The following GRM5 variants were observed in gnomAD, a reference collection of about 807,000 sequenced individuals.
The protein encoded by GRM5 is metabotropic glutamate receptor 5.
Under a neutral mutation model 83.1 loss-of-function variants are expected in GRM5, and 19 were observed. That is an observed-to-expected ratio of 0.23 (90% CI 0.16 to 0.34). The LOEUF is 0.34. Among genes scored for constraint, GRM5 ranks in the 10% least tolerant of loss-of-function variants. The probability of loss-of-function intolerance (pLI) is 1.00; values close to 1 mark genes in which losing one functional copy is unlikely to be tolerated. For missense variants in GRM5, 1,160 were observed against 1,588.3 expected (o/e 0.73, Z 4.58); for synonymous variants, 675 against 633.6 (o/e 1.07, Z -0.98).
rs933741883 is a variant in GRM5, at chr11:88,751,027, G to A, written c.912-97624C>T. Among the ~76,000 whole-genome samples the A allele has an allele frequency of 2.9e-4, 19 of 65,428 alleles. No homozygotes were observed. In the South Asian group the frequency reaches 9.6e-3, roughly 33 times the overall value. 42.9% of individuals were successfully genotyped at this position (65,428 alleles called of 152,430 possible). A position where few individuals can be genotyped will look rare whatever the true frequency, so the allele number is the denominator to read the frequency against. On this transcript the variant is annotated intron_variant, in intron 3 of 9. Transcript: ENST00000305447. ...CTAGAGAAACAAGAGGAAAGAAACAGAACTAGAGAAACAAGAGGAAACAAA... is the reference window on the plus strand; with the variant it reads ...CTAGAGAAACAAGAGGAAAGAAACAAAACTAGAGAAACAAGAGGAAACAAA...
At chr11:88,912,329 T>C (rs1489665727) in intron 2 of GRM5, among the ~76,000 whole-genome samples, 1 of 151,798 alleles carries the variant, frequency 6.6e-6, no homozygotes, top group African/African-American at 2.4e-5. Flanking sequence ...GGCTGACTTA[T>C]CCTAAGGAAC....
intron 9 of GRM5, among the ~76,000 whole-genome samples, chr11:88,522,136 CAGAGT>C (rs1029320657): frequency 2.0e-5 from 3 of 152,090 alleles, no homozygotes; most frequent in African/African-American, 7.2e-5. Context: ...CAGATGTTTG[CAGAGT>C]AAATGTGATG....
chr11:88,567,432 TCAA>T lies in GRM5; in HGVS notation c.2248_2250del (p.Leu750del). 1 of 1,614,120 alleles carries T rather than the reference TCAA, an allele frequency of 6.2e-7. No individual in the cohort carries two copies. On this transcript the variant is annotated inframe_deletion, in exon 8 of 10. Coordinates refer to ENST00000305447, the MANE Select transcript of GRM5 (RefSeq NM_001143831.3). This position sits in a 1 kb window ranked among gnomAD's most constrained non-coding sequence, Gnocchi z 7.3. The stretch of plus-strand genomic sequence containing the variant: ...AACGCATAGAAGGTGCAGCTCAAAA[TCAA>T]CAATCCATTGTATCCAAGTGGAGTG...
intron 4 of GRM5, 139 bp from the exon 5 acceptor site, chr11:88,605,103 GA>G (rs1298547444): frequency 1.5e-6 from 1 of 664,546 alleles, no homozygotes; most frequent in African/African-American, 1.8e-5. Context: ...GGGTAACACT[GA>G]GAAACAGTAC....
At chr11:88,961,772 T>C (rs1429784736) in intron 2 of GRM5, among the ~76,000 whole-genome samples, 1 of 152,166 alleles carries the variant, frequency 6.6e-6, no homozygotes, top group Admixed American at 6.5e-5. Context: ...TGATAATCCT[T>C]TTATGCATGT....
chr11:88,717,865 CTATT>C (rs10605871), intron 3 of GRM5, among the ~76,000 whole-genome samples: 100,028 of 151,040 alleles, frequency 0.66, 33,977 homozygotes, highest in South Asian at 0.86. Context: ...TCTATAATAA[CTATT>C]TATAGTTAGA....
intron 2 of GRM5, among the ~76,000 whole-genome samples, chr11:88,947,254 A>G (rs1254173243): frequency 6.6e-6 from 1 of 152,066 alleles, no homozygotes; most frequent in Admixed American, 6.6e-5. Flanking sequence ...CTGTTCTTGC[A>G]TGTTAATGTT....
intron 2 of GRM5, among the ~76,000 whole-genome samples, chr11:88,986,575 G>A (rs764885399): frequency 1.3e-5 from 2 of 151,676 alleles, no homozygotes; most frequent in African/African-American, 4.9e-5. Flanking sequence ...AAGTTGTATG[G>A]GTCCCTTACA....
chr11:88,840,091 A>G (rs11021548), intron 3 of GRM5, among the ~76,000 whole-genome samples: 20,320 of 152,054 alleles, frequency 0.13, 2,993 homozygotes, highest in African/African-American at 0.37. Context: ...TGGAAGGGGA[A>G]GCAGGAGAGG....
intron 4 of GRM5, among the ~76,000 whole-genome samples, chr11:88,646,936 G>T (rs1165924638): frequency 1.3e-5 from 2 of 150,278 alleles, no homozygotes; most frequent in South Asian, 2.1e-4. Context: ...TAACACAGTA[G>T]AAATTTATTT....
intron 2 of GRM5, among the ~76,000 whole-genome samples, chr11:89,027,308 G>A (rs1941150565): frequency 6.7e-6 from 1 of 150,214 alleles, no homozygotes; most frequent in Non-Finnish European, 1.5e-5. Flanking sequence ...GTTGCACAGG[G>A]TGGTCTCAAT....
chr11:88,972,249 C>A (rs545758464), intron 2 of GRM5, among the ~76,000 whole-genome samples: 2 of 152,198 alleles, frequency 1.3e-5, no homozygotes, highest in East Asian at 1.9e-4. Flanking sequence ...ACATTCCAAC[C>A]CTGACATAAA....
intron 3 of GRM5, among the ~76,000 whole-genome samples, chr11:88,711,769 T>C (rs757002302): frequency 6.8e-6 from 1 of 146,788 alleles, no homozygotes; most frequent in Non-Finnish European, 1.5e-5. Context: ...ACTCAGATTA[T>C]TGACATTTCA....
At chr11:88,879,098 A>C (rs1944907014) in intron 2 of GRM5, among the ~76,000 whole-genome samples, 1 of 152,168 alleles carries the variant, frequency 6.6e-6, no homozygotes, top group South Asian at 2.1e-4. Flanking sequence ...TTATAGGATA[A>C]GAAATACTAT....
chr11:88,529,769 C>G (rs994655379), intron 8 of GRM5, among the ~76,000 whole-genome samples: 1 of 151,772 alleles, frequency 6.6e-6, no homozygotes, highest in East Asian at 1.9e-4. Context: ...AGCACAGTCT[C>G]AAGACTATTT....
At chr11:88,585,445 A>T (rs1943293504) in intron 7 of GRM5, among the ~76,000 whole-genome samples, 1 of 152,156 alleles carries the variant, frequency 6.6e-6, no homozygotes, top group Non-Finnish European at 1.5e-5. Flanking sequence ...AAATCTTTTT[A>T]AATTTCCCTT....
chr11:88,818,500 T>G (rs1943728939), intron 3 of GRM5, among the ~76,000 whole-genome samples: 1 of 152,164 alleles, frequency 6.6e-6, no homozygotes, highest in Non-Finnish European at 1.5e-5. Context: ...ATAAGTCATG[T>G]TCTTTCTAGT....
At position 88,507,664 on chromosome 11, in the gene GRM5, A is replaced by ATC. The variant is rs1289656333; in HGVS notation, c.*927_*928insGA. The stretch of plus-strand genomic sequence containing the variant: ...GCAATGCAAACGCAACAGCATTCCT[A>ATC]AAGAGTGGCCATGTTTCTTGAAAGA... On this transcript the variant is annotated 3_prime_UTR_variant, in exon 10 of 10. Coordinates refer to ENST00000305447, the MANE Select transcript of GRM5 (RefSeq NM_001143831.3). 6.6e-6 allele frequency: 1 copy of ATC among 152,360 alleles called. No homozygotes were observed. The highest frequency in any genetic ancestry group is 1.5e-5 in the Non-Finnish European group (1 of 68,044). 9.4% of individuals were successfully genotyped at this position (152,360 alleles called of 1,614,324 possible).
chr11:88,540,751 AT>A (rs968196533), intron 8 of GRM5, among the ~76,000 whole-genome samples: 1 of 151,060 alleles, frequency 6.6e-6, no homozygotes, highest in African/African-American at 2.4e-5. Flanking sequence ...TTTTATTTTT[AT>A]TTTTTTGAGA....
Sources: allele counts gnomAD v4.1 joint callset (sites outside exome capture counted in the v4.1 genomes callset), GRCh38; gene constraint gnomAD v4.1.1; non-coding constraint Gnocchi (gnomAD v3.1); transcripts MANE v1.5; gene names NCBI Gene and HGNC (gene_info 2026-07-23, HGNC 2026-07-21).